The following FAS variants were observed in gnomAD, a reference collection of about 807,000 sequenced individuals.
FAS encodes the protein tumor necrosis factor receptor superfamily member 6.
A neutral mutation model predicts 33.2 loss-of-function variants in FAS; 5 were observed. The ratio of observed to expected loss-of-function variants is 0.15; its 90% confidence interval spans 0.08 to 0.32. The LOEUF is 0.32. Among genes scored for constraint, FAS ranks in the 10% least tolerant of loss-of-function variants. The pLI is 1.00. For missense variants in FAS, 339 were observed against 386.0 expected, an observed-to-expected ratio of 0.88 and a Z score of 1.02; for synonymous variants, 131 against 130.7, an observed-to-expected ratio of 1.00 and a Z score of -0.01.
chr10:88,981,748 C>T (rs7906322), upstream of FAS, among the ~76,000 whole-genome samples: 3,861 of 152,162 alleles, frequency 0.025, 155 homozygotes, highest in African/African-American at 0.087. Context: ...TAGTCCCAGT[C>T]CCAGATACTA....
chr10:88,997,740 T>C (rs1847683884), intron 1 of FAS, among the ~76,000 whole-genome samples: 1 of 152,176 alleles, frequency 6.6e-6, no homozygotes, highest in Admixed American at 6.5e-5. Flanking sequence ...TTAGAATTTC[T>C]TTTTCCTCAA....
chr10:88,990,400 A>C, upstream of FAS: 1 of 437,720 alleles, frequency 2.3e-6, no homozygotes, highest in Non-Finnish European at 4.3e-6. The surrounding 1 kb of genome is among the most constrained non-coding windows in gnomAD (Gnocchi z 4.9). Flanking sequence ...GCCTTTAGAA[A>C]GGGCAGGAGG....
chr10:88,988,468 C>T (rs1258305503), upstream of FAS, among the ~76,000 whole-genome samples: 2 of 129,472 alleles, frequency 1.5e-5, no homozygotes, highest in Non-Finnish European at 3.2e-5. Flanking sequence ...TGTTTTTTTA[C>T]ATAGTCAAGA....
chr10:89,008,147 A>G (rs1681229164), intron 3 of FAS, among the ~76,000 whole-genome samples: 1 of 152,184 alleles, frequency 6.6e-6, no homozygotes, highest in Admixed American at 6.5e-5. Context: ...CGCTTATATA[A>G]TGGTGCTCGT....
At chr10:88,989,464 A>C (rs747775315), upstream of FAS, 5 of 541,994 alleles carry the variant, frequency 9.2e-6, no homozygotes, top group East Asian at 4.3e-5. Flanking sequence ...TTTTGTGTCT[A>C]TTAGATGCTC....
intron 1 of FAS, among the ~76,000 whole-genome samples, chr10:88,998,081 C>T (rs566600838): frequency 6.6e-6 from 1 of 152,266 alleles, no homozygotes; most frequent in South Asian, 2.1e-4. Context: ...GACTATAGTT[C>T]ATTCCTTATA....
At chr10:88,985,332 TATATGCTC>T (rs1289746626), upstream of FAS, among the ~76,000 whole-genome samples, 1 of 152,204 alleles carries the variant, frequency 6.6e-6, no homozygotes, top group Admixed American at 6.5e-5. Context: ...GGAAAATGTC[TATATGCTC>T]ATATGCACAG....
intron 5 of FAS, 67 bp downstream of exon 5, chr10:89,010,667 A>G (rs1848483247): frequency 6.2e-7 from 1 of 1,606,676 alleles, no homozygotes; most frequent in African/African-American, 1.3e-5. Flanking sequence ...AAGAAAAACC[A>G]ATCACTCTTG....
intron 2 of FAS, among the ~76,000 whole-genome samples, chr10:88,978,845 A>G (rs1012426387): frequency 1.3e-5 from 2 of 152,102 alleles, no homozygotes; most frequent in African/African-American, 4.8e-5. Flanking sequence ...AGCTATTAGA[A>G]GCAACCTTCC....
Position 89,007,848 on chromosome 10 carries a change from T to C in FAS, c.334+11T>C, listed in dbSNP as rs367693795. 2 of 1,613,628 alleles carry C rather than the reference T, an allele frequency of 1.2e-6. No homozygotes were observed. Among genetic ancestry groups the C allele is most frequent in the African/African-American group, 2.7e-5 (2 of 74,892 alleles). The stretch of plus-strand genomic sequence containing the variant: ...GTGATGAAGGACATGGTAAGAGTCT[T>C]AAAATGCAATTGAAAGAGGCCAATC... On this transcript the variant is annotated intron_variant, in intron 3 of 8. Coordinates refer to ENST00000652046, the MANE Select transcript of FAS (RefSeq NM_000043.6).
chr10:89,016,707 G>C lies in FAS; in HGVS notation c.*2257G>C. 4.5e-6 allele frequency: 1 copy of C among 223,744 alleles called. No individual in the cohort carries two copies. 13.9% of individuals were successfully genotyped at this position (223,744 alleles called of 1,614,324 possible). On this transcript the variant is annotated 3_prime_UTR_variant, in exon 9 of 9. Transcript: ENST00000652046. ...TCTGGTGAACCTGGTTCTCTTTGTG[G>C]TGGGCATACTGGGTAGGAGAATCAC...
At chr10:88,988,079 C>G (rs1306331854), upstream of FAS, among the ~76,000 whole-genome samples, 1 of 152,172 alleles carries the variant, frequency 6.6e-6, no homozygotes, top group Non-Finnish European at 1.5e-5. Context: ...ACTTGCCAGC[C>G]TCTACAATCA....
At chr10:88,976,596 A>G (rs1253221402) in intron 2 of FAS, among the ~76,000 whole-genome samples, 1 of 152,218 alleles carries the variant, frequency 6.6e-6, no homozygotes, top group Non-Finnish European at 1.5e-5. Flanking sequence ...GAAAATGACT[A>G]ACATATCTCT....
In FAS at chr10:89,013,350, T is replaced by G; in HGVS notation, c.659T>G (p.Val220Gly). The change falls in exon 8 of 9, where the codon GTG (valine) becomes GGG (glycine). Residue 220 changes from valine to glycine, a missense_variant. Transcript: ENST00000652046. The part of the protein sequence containing the change: ...HESPTLNPET[V>G]AINLSDVDLS... Reference sequence around the variant, plus strand: ...CCATTTTTTGCTTTCTAGGAAACAGTGGCAATAAATTTATCTGGTAAGGCT... The same window carrying G: ...CCATTTTTTGCTTTCTAGGAAACAGGGGCAATAAATTTATCTGGTAAGGCT... The G allele has an allele frequency of 6.2e-7, 1 of 1,611,930 alleles. No homozygotes were observed. Among genetic ancestry groups the G allele is most frequent in the East Asian group, 2.2e-5 (1 of 44,676 alleles).
intron 1 of FAS, among the ~76,000 whole-genome samples, chr10:88,993,305 A>ATTTT (rs59583029): frequency 3.4e-4 from 50 of 148,904 alleles, no homozygotes; most frequent in African/African-American, 1.1e-3. Flanking sequence ...TGTGGGTTGC[A>ATTTT]TTTTTTTTTT....
chr10:89,016,503 T>C lies in FAS; in HGVS notation c.*2053T>C, dbSNP rs1227583969. On this transcript the variant is annotated 3_prime_UTR_variant, in exon 9 of 9. Transcript: ENST00000652046. ...AACACCCTATTCCACTTTGGTGAAC[T>C]CAGAGCAAGAACTTTGAGTTCCTTT... 1 of 226,112 alleles carries C rather than the reference T, an allele frequency of 4.4e-6. No individual in the cohort carries two copies. The highest frequency in any genetic ancestry group is 8.8e-6 in the Non-Finnish European group (1 of 113,548). 14.0% of individuals were successfully genotyped at this position (226,112 alleles called of 1,614,324 possible).
chr10:88,973,362 G>A, intron 2 of FAS: 3 of 1,463,318 alleles, frequency 2.1e-6, no homozygotes, highest in Non-Finnish European at 2.7e-6. Flanking sequence ...TCCAAGAATT[G>A]CCAGGCGAAC....
intron 1 of FAS, among the ~76,000 whole-genome samples, chr10:88,997,058 G>A (rs1206139775): frequency 1.3e-5 from 2 of 152,174 alleles, no homozygotes; most frequent in African/African-American, 4.8e-5. Flanking sequence ...ATTCTGATTT[G>A]CAAGTGCTGA....
chr10:89,004,764 T>C (rs1393300569), intron 2 of FAS, among the ~76,000 whole-genome samples: 1 of 152,174 alleles, frequency 6.6e-6, no homozygotes, highest in East Asian at 1.9e-4. Context: ...TTCCAACTGA[T>C]CTGGCTGGAT....
Sources: gnomAD v4.1 joint callset for allele counts (sites outside exome capture counted in the v4.1 genomes callset) on GRCh38, gnomAD v4.1.1 for gene constraint, Gnocchi (gnomAD v3.1) non-coding constraint, MANE v1.5 for transcripts, NCBI Gene and HGNC (gene_info 2026-07-23, HGNC 2026-07-21) for gene names.